Variants in CLTRN observed in about 807,000 individuals in gnomAD.
The protein encoded by CLTRN is collectrin.
In CLTRN, 12 loss-of-function variants were observed where a neutral mutation model predicts 14.5. That is an observed-to-expected ratio of 0.83 (90% CI 0.53 to 1.34). CLTRN has a LOEUF of 1.34. CLTRN is among the 40% of genes most tolerant of loss of function. The probability of loss-of-function intolerance (pLI) is 0.00; values close to 1 mark genes in which losing one functional copy is unlikely to be tolerated. For synonymous variants in CLTRN, 58 were observed against 56.5 expected (o/e 1.03, Z -0.12); for missense variants, 154 against 165.1 (o/e 0.93, Z 0.37).
At chrX:15,646,497 G>T (rs1929075703) in intron 3 of CLTRN, 2 of 323,037 alleles carry the variant, frequency 6.2e-6, no homozygotes, top group South Asian at 5.5e-5. Context: ...GAAGCACTGG[G>T]CCCTACTGTC....
intron 3 of CLTRN, among the ~76,000 whole-genome samples, chrX:15,655,625 T>C (rs1382843033): frequency 9.0e-6 from 1 of 111,618 alleles, no homozygotes; most frequent in Admixed American, 9.5e-5. Flanking sequence ...GCTCTCTCTC[T>C]CCCCAGTCAC....
In CLTRN at chrX:15,657,708, G is replaced by C. The variant is rs752396028; in HGVS notation, c.203+1308C>G. On this transcript the variant is annotated intron_variant, in intron 3 of 5. Coordinates refer to ENST00000380342, the MANE Select transcript of CLTRN (RefSeq NM_020665.6). ...TTGAAAAAAGTTATTATAAATAGTT[G>C]TGAAAGAATGCTGCAGTTTAATGGC... 3.6e-5 allele frequency among the ~76,000 whole-genome samples: 4 copies of C among 110,321 alleles called. No individual in the cohort carries two copies. The Admixed American group carries it at 3.8e-4, about 11-fold the overall frequency.
intron 2 of CLTRN, 26 bp from the exon 3 acceptor site, chrX:15,659,127 A>T (rs780898156): frequency 1.1e-6 from 1 of 944,639 alleles, no homozygotes; most frequent in Non-Finnish European, 1.5e-6. Flanking sequence ...AACAAAGTGT[A>T]TGGGGGAAAA....
intron 1 of CLTRN, among the ~76,000 whole-genome samples, chrX:15,673,404 T>C (rs1406159539): frequency 1.8e-5 from 2 of 112,348 alleles, no homozygotes; most frequent in Non-Finnish European, 3.8e-5. Flanking sequence ...ACTATAATAC[T>C]TACTTTATAC....
upstream of CLTRN, among the ~76,000 whole-genome samples, chrX:15,669,372 CAAAT>C (rs1929676269): frequency 8.9e-6 from 1 of 112,066 alleles, no homozygotes; most frequent in Admixed American, 9.5e-5. Flanking sequence ...GTAATGATGA[CAAAT>C]AAAGCAGTTC....
chrX:15,655,905 G>A (rs776995714), intron 3 of CLTRN, among the ~76,000 whole-genome samples: 24 of 111,918 alleles, frequency 2.1e-4, no homozygotes, highest in Admixed American at 9.5e-4. Context: ...AGGTAGGGAT[G>A]CAAACAAGAA....
At chrX:15,661,271 A>G (rs1036246751) in intron 2 of CLTRN, among the ~76,000 whole-genome samples, 13 of 112,393 alleles carry the variant, frequency 1.2e-4, no homozygotes, top group Non-Finnish European at 2.4e-4. Flanking sequence ...TCCCTGGGAC[A>G]TGAATTTCAG....
intron 3 of CLTRN, chrX:15,646,462 A>AAC: frequency 5.6e-4 from 96 of 170,762 alleles, no homozygotes; most frequent in South Asian, 1.5e-3. Flanking sequence ...CCGCGCACCC[A>AAC]CCCCCCCGCC....
At chrX:15,639,484 G>T in intron 5 of CLTRN, 78 bp downstream of exon 5, 1 of 950,445 alleles carries the variant, frequency 1.1e-6, no homozygotes, top group Non-Finnish European at 1.5e-6. Context: ...TCAGCCAGAG[G>T]AAAATCCTCT....
At chrX:15,662,404 C>T (rs1407530728) in intron 2 of CLTRN, among the ~76,000 whole-genome samples, 1 of 111,343 alleles carries the variant, frequency 9.0e-6, no homozygotes, top group Non-Finnish European at 1.9e-5. Context: ...ATTAGGAATG[C>T]TTCTCCTCTG....
chrX:15,663,486 G>T (rs191621258), intron 2 of CLTRN, among the ~76,000 whole-genome samples: 8 of 112,605 alleles, frequency 7.1e-5, no homozygotes, highest in African/African-American at 2.6e-4. Flanking sequence ...AAGCATTGTT[G>T]TGAGGGCTAA....
intron 4 of CLTRN, among the ~76,000 whole-genome samples, chrX:15,643,160 A>G (rs1049379966): frequency 2.7e-5 from 3 of 112,291 alleles, no homozygotes; most frequent in African/African-American, 9.7e-5. Flanking sequence ...GCATAAGAAC[A>G]TTCCTTGTGA....
intron 3 of CLTRN, among the ~76,000 whole-genome samples, chrX:15,651,263 A>G (rs1316319286): frequency 1.8e-5 from 2 of 111,447 alleles, no homozygotes; most frequent in Non-Finnish European, 3.8e-5. Flanking sequence ...ATGGTTAGGG[A>G]TATGGTTAGG....
chrX:15,640,134 A>G (rs1601723659), intron 4 of CLTRN, among the ~76,000 whole-genome samples: 1 of 111,774 alleles, frequency 8.9e-6, no homozygotes, highest in Non-Finnish European at 1.9e-5. Context: ...AAACAGAGCT[A>G]GGGGGTGGCG....
At chrX:15,638,473 ATACT>A (rs1928866574) in intron 5 of CLTRN, among the ~76,000 whole-genome samples, 1 of 112,265 alleles carries the variant, frequency 8.9e-6, no homozygotes, top group Non-Finnish European at 1.9e-5. Flanking sequence ...TAGTCAACAC[ATACT>A]TACTTAGCCA....
At chrX:15,665,816 T>C (rs1929609176), upstream of CLTRN, among the ~76,000 whole-genome samples, 1 of 112,354 alleles carries the variant, frequency 8.9e-6, no homozygotes, top group African/African-American at 3.2e-5. Context: ...TTCACAATTG[T>C]TATCATCATC....
At chrX:15,664,220 T>C in intron 2 of CLTRN, 117 bp downstream of exon 2, 3 of 471,935 alleles carry the variant, frequency 6.4e-6, no homozygotes, top group Non-Finnish European at 1.1e-5. Flanking sequence ...AGATTTGAGG[T>C]CTTTAGAAAT....
rs765810667 is a variant in CLTRN at position 15,656,411 on chromosome X, C to T, written c.203+2605G>A. On this transcript the variant is annotated intron_variant, in intron 3 of 5. Coordinates refer to ENST00000380342, the MANE Select transcript of CLTRN (RefSeq NM_020665.6). ...CTTGAATATCTTTATTTTTAATTCA[C>T]GTGATTTGGTTTATTTTTGTGCTTT... 7.8e-4 allele frequency among the ~76,000 whole-genome samples: 87 copies of T among 111,387 alleles called. 1 individual carries two copies. The highest frequency in any genetic ancestry group is 2.5e-3 in the African/African-American group (77 of 30,604).
Position 15,628,065 on chromosome X carries a change from A to T in CLTRN, c.575T>A (p.Ile192Asn). 8.7e-7 allele frequency: 1 copy of T among 1,151,131 alleles called. No homozygotes were observed. The highest frequency in any genetic ancestry group is 1.2e-6 in the Non-Finnish European group (1 of 862,400). 94.9% of individuals were successfully genotyped at this position (1,151,131 alleles called of 1,213,427 possible). ...AEDKCENMIT[I>N]ENGIPSDPLD... ...GGGATCAGAGGGGATGCCATTTTCAATTGTGATCATGTTTTCACACTTATC... is the reference window on the plus strand; with the variant it reads ...GGGATCAGAGGGGATGCCATTTTCATTTGTGATCATGTTTTCACACTTATC... Residue 192 changes from isoleucine to asparagine, a missense_variant, in exon 6 of 6, where the codon ATT (isoleucine) becomes AAT (asparagine). Physicochemically the swap from Ile to Asn is moderately radical, Grantham distance 149. Transcript: ENST00000380342.
Sources: allele counts gnomAD v4.1 joint callset (sites outside exome capture counted in the v4.1 genomes callset), GRCh38; gene constraint gnomAD v4.1.1; transcripts MANE v1.5; gene names NCBI Gene and HGNC (gene_info 2026-07-23, HGNC 2026-07-21).